RAD51C: variants seen among roughly 807,000 people sequenced by gnomAD.
RAD51C encodes RAD51 paralog C.
In RAD51C, 42 loss-of-function variants were observed where a neutral mutation model predicts 45.0. The ratio of observed to expected loss-of-function variants is 0.93; its 90% CI spans 0.73 to 1.21. The LOEUF (loss-of-function observed/expected upper bound fraction) is 1.21, where lower values mean the gene tolerates loss of function less well. Among genes scored for constraint, RAD51C ranks in the 50% most tolerant of loss-of-function variants. The pLI, the probability that RAD51C is intolerant of heterozygous loss-of-function variation, is 0.00. For missense variants in RAD51C, 474 were observed against 452.2 expected, an observed-to-expected ratio of 1.05 and a Z score of -0.44; for synonymous variants, 172 against 159.8, an observed-to-expected ratio of 1.08 and a Z score of -0.58.
At chr17:58,698,713 G>A (rs1337121202) in intron 3 of RAD51C, among the ~76,000 whole-genome samples, 2 of 151,374 alleles carry the variant, frequency 1.3e-5, no homozygotes, top group African/African-American at 4.8e-5. Context: ...GCCGAGGCGG[G>A]CGGATCACCT....
intron 7 of RAD51C, among the ~76,000 whole-genome samples, chr17:58,724,511 AT>A (rs747132464): frequency 4.0e-5 from 6 of 151,596 alleles, no homozygotes; most frequent in Non-Finnish European, 4.4e-5. Flanking sequence ...TATTTGGAAC[AT>A]ACGATGGTTT....
At chr17:58,698,435 T>C (rs934037558) in intron 3 of RAD51C, among the ~76,000 whole-genome samples, 2 of 149,408 alleles carry the variant, frequency 1.3e-5, no homozygotes, top group East Asian at 2.1e-4. Flanking sequence ...CTGCCTGCCT[T>C]GGCCTCCCAA....
In RAD51C at chr17:58,705,447, C is replaced by T. The variant is rs1461997418; in HGVS notation, c.705+2118C>T. ...CTCCCGGATTCAAGCGATTCTCCTGCCTCAGCCTCCAGAGTAGCTGGGACT... is the reference window on the plus strand; with the variant it reads ...CTCCCGGATTCAAGCGATTCTCCTGTCTCAGCCTCCAGAGTAGCTGGGACT... On this transcript the variant is annotated intron_variant, in intron 4 of 8. Coordinates refer to ENST00000337432, the MANE Select transcript of RAD51C (RefSeq NM_058216.3). Among the ~76,000 whole-genome samples, 4 of 151,992 alleles carry T rather than the reference C, an allele frequency of 2.6e-5. No homozygotes were observed. In the East Asian group the frequency reaches 7.8e-4, roughly 29 times the overall value.
At position 58,696,831 on chromosome 17, in the gene RAD51C, G is replaced by A. The variant is rs777351392; in HGVS notation, c.543G>A (p.Gln181=). ...DLATACIQHL[Q]LIAEKHKGEE... ...CTACTGCCTGCATTCAGCACCTTCA[G>A]CTTATAGCAGAAAAACACAAGGGAG... Residue 181 remains glutamine, a synonymous_variant, in exon 3 of 9, where the codon CAG becomes CAA. Coordinates refer to ENST00000337432, the MANE Select transcript of RAD51C (RefSeq NM_058216.3). 6.2e-7 allele frequency: 1 copy of A among 1,614,156 alleles called. No individual in the cohort carries two copies. The highest frequency in any genetic ancestry group is 8.5e-7 in the Non-Finnish European group (1 of 1,180,020).
At chr17:58,726,206 A>G (rs2049117497) in intron 7 of RAD51C, among the ~76,000 whole-genome samples, 1 of 151,746 alleles carries the variant, frequency 6.6e-6, no homozygotes, top group South Asian at 2.1e-4. Flanking sequence ...TTTAAATATA[A>G]CATTTCAGAT....
chr17:58,692,899 C>T (rs939036084), intron 1 of RAD51C, 111 bp downstream of exon 1: 3 of 1,502,430 alleles, frequency 2.0e-6, no homozygotes, highest in Non-Finnish European at 2.8e-6. Context: ...TCTGCTTCCT[C>T]CCACGTCCAT....
intron 4 of RAD51C, chr17:58,709,648 G>T: frequency 4.3e-6 from 2 of 465,120 alleles, no homozygotes; most frequent in South Asian, 2.5e-5. Flanking sequence ...TTTATTTAGA[G>T]TATTTGTTTC....
chr17:58,717,112 A>C (rs2048767927), intron 5 of RAD51C, among the ~76,000 whole-genome samples: 1 of 151,840 alleles, frequency 6.6e-6, no homozygotes, highest in East Asian at 2.0e-4. Flanking sequence ...TTAACTTTTA[A>C]AAGCTACACC....
intron 5 of RAD51C, among the ~76,000 whole-genome samples, chr17:58,713,203 A>G (rs1019725641): frequency 6.6e-6 from 1 of 152,142 alleles, no homozygotes; most frequent in African/African-American, 2.4e-5. Context: ...TTTTCACTTA[A>G]TATATTGTGA....
At chr17:58,725,114 GT>G (rs35371682) in intron 7 of RAD51C, among the ~76,000 whole-genome samples, 10 of 151,906 alleles carry the variant, frequency 6.6e-5, no homozygotes, top group African/African-American at 1.5e-4. Context: ...CTCAGGTAGT[GT>G]TTTTTTTCCC....
Position 58,695,231 on chromosome 17 carries a change from A to G in RAD51C, c.404+42A>G, listed in dbSNP as rs754396921. 15 of 1,576,086 alleles carry G rather than the reference A, an allele frequency of 9.5e-6. No individual in the cohort carries two copies. The South Asian group carries it at 1.5e-4, about 16-fold the overall frequency. ...TCCTTTTAAGGGTGGGTTTAATAAC[A>G]TATTATGAAAGTAGTATTTTGTACT... On this transcript the variant is annotated intron_variant, in intron 2 of 8. Coordinates refer to ENST00000337432, the MANE Select transcript of RAD51C (RefSeq NM_058216.3).
chr17:58,708,703 G>GC (rs929425477), intron 4 of RAD51C, among the ~76,000 whole-genome samples: 3 of 151,230 alleles, frequency 2.0e-5, no homozygotes, highest in Admixed American at 6.6e-5. Flanking sequence ...TTTTGCTTTG[G>GC]GGGGGGCTTT....
At chr17:58,698,276 G>C (rs1291079454) in intron 3 of RAD51C, among the ~76,000 whole-genome samples, 1 of 148,828 alleles carries the variant, frequency 6.7e-6, no homozygotes, top group East Asian at 2.0e-4. Context: ...TCTGCCTCCT[G>C]GGTTCATGCC....
intron 4 of RAD51C, among the ~76,000 whole-genome samples, chr17:58,706,790 G>A (rs2048394204): frequency 1.3e-5 from 2 of 152,186 alleles, no homozygotes; most frequent in Admixed American, 6.6e-5. Flanking sequence ...AACTAGCAGT[G>A]TTTCTGCTGT....
intron 5 of RAD51C, among the ~76,000 whole-genome samples, chr17:58,720,488 T>C (rs578174795): frequency 2.6e-5 from 4 of 152,150 alleles, no homozygotes; most frequent in African/African-American, 9.6e-5. Context: ...ATTTATTTAG[T>C]GAGACAGAGT....
At position 58,723,217 on chromosome 17, in the gene RAD51C, A is replaced by G. The variant is rs572165708; in HGVS notation, c.905-823A>G. ...CTGAGCCCATCATCTCTACCTCACA[A>G]ATTATATCCACCTTTTCATTTCCTT... On this transcript the variant is annotated intron_variant, in intron 6 of 8. Transcript: ENST00000337432. Among the ~76,000 whole-genome samples, 11 of 152,116 alleles carry G rather than the reference A, an allele frequency of 7.2e-5. No homozygotes were observed. The East Asian group carries it at 2.1e-3, about 29-fold the overall frequency.
At chr17:58,720,937 C>A in intron 6 of RAD51C, 125 bp downstream of exon 6, 1 of 786,038 alleles carries the variant, frequency 1.3e-6, no homozygotes, top group Non-Finnish European at 2.1e-6. Context: ...ACTGGTTAAT[C>A]TTAGCACTAA....
At position 58,728,730 on chromosome 17, in the gene RAD51C, T is replaced by C. The variant is rs540262964; in HGVS notation, c.966-3754T>C. Among the ~76,000 whole-genome samples, 8 of 152,308 alleles carry C rather than the reference T, an allele frequency of 5.3e-5. No homozygotes were observed. In the East Asian group the frequency reaches 5.8e-4, roughly 11 times the overall value. ...AAAAATCTTGAATAGCCAAATTATA[T>C]TGGGCATTGAACTTAGGTGTGCTGT... On this transcript the variant is annotated intron_variant, in intron 7 of 8. Coordinates refer to ENST00000337432, the MANE Select transcript of RAD51C (RefSeq NM_058216.3).
intron 7 of RAD51C, among the ~76,000 whole-genome samples, chr17:58,730,057 G>C (rs1330353957): frequency 1.3e-5 from 2 of 151,896 alleles, no homozygotes; most frequent in Non-Finnish European, 2.9e-5. Flanking sequence ...TAATAAGGCA[G>C]GTTAAAATAC....
Sources: gnomAD v4.1 joint callset for allele counts (sites outside exome capture counted in the v4.1 genomes callset) on GRCh38, gnomAD v4.1.1 for gene constraint, MANE v1.5 for transcripts, NCBI Gene and HGNC (gene_info 2026-07-23, HGNC 2026-07-21) for gene names.